The following AUTS2 variants were observed in gnomAD, a reference collection of about 807,000 sequenced individuals.
The protein encoded by AUTS2 is autism susceptibility gene 2 protein.
AUTS2 carries 17 observed loss-of-function variants against 112.4 expected under a neutral mutation model. The ratio of observed to expected loss-of-function variants is 0.15; its 90% CI spans 0.10 to 0.23. AUTS2 has a LOEUF of 0.23. Ranked by LOEUF, AUTS2 falls within the 10% of genes least tolerant of loss-of-function variation. AUTS2 has a pLI of 1.00. For missense variants in AUTS2, 1,510 were observed against 1,701.6 expected (o/e 0.89, Z 1.98); for synonymous variants, 751 against 702.7 (o/e 1.07, Z -1.09).
intron 1 of AUTS2, among the ~76,000 whole-genome samples, chr7:69,793,992 G>A (rs997395763): frequency 1.3e-5 from 2 of 152,194 alleles, no homozygotes; most frequent in African/African-American, 2.4e-5. Flanking sequence ...GGTGATTGGA[G>A]CATGGGGCTC....
chr7:70,534,837 C>T (rs964123968), intron 5 of AUTS2, among the ~76,000 whole-genome samples: 7 of 151,580 alleles, frequency 4.6e-5, no homozygotes, highest in Admixed American at 3.9e-4. Context: ...ATGGTGATGG[C>T]AGTAATGATG....
intron 2 of AUTS2, among the ~76,000 whole-genome samples, chr7:70,023,527 T>C (rs760736428): frequency 4.6e-5 from 7 of 152,220 alleles, no homozygotes; most frequent in Non-Finnish European, 7.3e-5. Flanking sequence ...TCAACTTTCC[T>C]ATGCCTTGAT....
intron 4 of AUTS2, among the ~76,000 whole-genome samples, chr7:70,408,009 G>A (rs1269709508): frequency 1.3e-5 from 2 of 149,568 alleles, no homozygotes; most frequent in African/African-American, 4.9e-5. Context: ...GGCCGAGATC[G>A]CGCCACTGCA....
intron 4 of AUTS2, among the ~76,000 whole-genome samples, chr7:70,343,442 T>C (rs1791360761): frequency 6.6e-6 from 1 of 152,202 alleles, no homozygotes. Context: ...GCCCATTGTG[T>C]GCTAGTAATT....
intron 14 of AUTS2, 154 bp from the exon 15 acceptor site, chr7:70,781,461 G>A: frequency 1.2e-6 from 1 of 830,098 alleles, no homozygotes; most frequent in South Asian, 2.0e-5. Context: ...TGACATTTGA[G>A]GGTGAAATGG....
intron 4 of AUTS2, among the ~76,000 whole-genome samples, chr7:70,304,820 G>GA (rs1789417389): frequency 6.7e-6 from 1 of 150,358 alleles, no homozygotes; most frequent in African/African-American, 2.5e-5. Flanking sequence ...TCGGATTTGG[G>GA]ATGCTCAACC....
Position 69,940,167 on chromosome 7 carries a change from G to A in AUTS2, c.522+40669G>A, listed in dbSNP as rs556760283. ...TCACAACTTACAAATAGCAGAGTCA[G>A]GATTTGAACCTGGGCAGGCAGTTCT... On this transcript the variant is annotated intron_variant, in intron 2 of 18. Transcript: ENST00000342771. Among the ~76,000 whole-genome samples the A allele has an allele frequency of 2.2e-4, 34 of 152,314 alleles. No homozygotes were observed. In the South Asian group the frequency reaches 7.0e-3, roughly 32 times the overall value.
At chr7:69,698,368 T>C (rs1297540399) in intron 1 of AUTS2, among the ~76,000 whole-genome samples, 4 of 152,200 alleles carry the variant, frequency 2.6e-5, no homozygotes, top group Non-Finnish European at 5.9e-5. Context: ...TTGCTACTTA[T>C]TGATCTAGTA....
rs182742596 is a variant in AUTS2 at position 70,205,255 on chromosome 7, C to G, written c.660+70684C>G. Among the ~76,000 whole-genome samples the G allele has an allele frequency of 5.9e-5, 9 of 152,058 alleles. No individual in the cohort carries two copies. In the East Asian group the frequency reaches 1.7e-3, roughly 29 times the overall value. On this transcript the variant is annotated intron_variant, in intron 4 of 18. Transcript: ENST00000342771. ...TAGACATGGGATCTCACTGTATTGC[C>G]CAGGCTGGTCTTGAACTCTTAGCCT...
intron 3 of AUTS2, among the ~76,000 whole-genome samples, chr7:70,127,029 G>C (rs1806010906): frequency 6.6e-6 from 1 of 152,166 alleles, no homozygotes; most frequent in Admixed American, 6.5e-5. Flanking sequence ...GTTTTACCAT[G>C]TTGGCCAGGC....
intron 4 of AUTS2, among the ~76,000 whole-genome samples, chr7:70,387,192 GCTT>G (rs1289434089): frequency 3.9e-5 from 6 of 152,116 alleles, no homozygotes; most frequent in African/African-American, 1.4e-4. Context: ...CTCTGTTGGT[GCTT>G]CTTTTCCACT....
At chr7:70,245,330 T>C (rs1380486858) in intron 4 of AUTS2, among the ~76,000 whole-genome samples, 1 of 151,980 alleles carries the variant, frequency 6.6e-6, no homozygotes, top group South Asian at 2.1e-4. Context: ...CTAATAGTTT[T>C]TAACTTACAA....
At chr7:70,717,481 C>T (rs1488575447) in intron 6 of AUTS2, among the ~76,000 whole-genome samples, 2 of 152,164 alleles carry the variant, frequency 1.3e-5, no homozygotes, top group East Asian at 1.9e-4. Flanking sequence ...TTCTAACTCA[C>T]CCTTCGAGGA....
chr7:70,444,046 G>A (rs748224176), intron 5 of AUTS2, among the ~76,000 whole-genome samples: 7 of 152,166 alleles, frequency 4.6e-5, no homozygotes, highest in Non-Finnish European at 8.8e-5. Context: ...ATGAGCCATC[G>A]CCTTGGGTGT....
intron 2 of AUTS2, among the ~76,000 whole-genome samples, chr7:69,925,673 A>T (rs1052713751): frequency 2.0e-5 from 3 of 152,152 alleles, no homozygotes; most frequent in African/African-American, 7.2e-5. Flanking sequence ...TGATCCTCTC[A>T]TATCAGCCTG....
At chr7:70,590,417 C>T (rs1563061164) in intron 5 of AUTS2, among the ~76,000 whole-genome samples, 1 of 152,112 alleles carries the variant, frequency 6.6e-6, no homozygotes, top group Non-Finnish European at 1.5e-5. Flanking sequence ...TCCCCTATCT[C>T]CCTAGAGGTT....
intron 5 of AUTS2, among the ~76,000 whole-genome samples, chr7:70,633,586 G>A (rs1805381923): frequency 7.6e-6 from 1 of 132,132 alleles, no homozygotes; most frequent in Non-Finnish European, 1.5e-5. Context: ...ACTCTAGCCT[G>A]GGCCACAGAG....
chr7:70,676,259 G>A (rs1360568550), intron 5 of AUTS2, among the ~76,000 whole-genome samples: 1 of 151,980 alleles, frequency 6.6e-6, no homozygotes, highest in African/African-American at 2.4e-5. Context: ...TGGGCAACAT[G>A]GAAAACCCCA....
chr7:70,594,516 C>T (rs1465376444), intron 5 of AUTS2, among the ~76,000 whole-genome samples: 3 of 152,154 alleles, frequency 2.0e-5, no homozygotes, highest in Admixed American at 6.5e-5. Flanking sequence ...CTGAGTGCTG[C>T]GTATTCAAAT....
Sources: allele counts gnomAD v4.1 joint callset (sites outside exome capture counted in the v4.1 genomes callset), GRCh38; gene constraint gnomAD v4.1.1; transcripts MANE v1.5; gene names NCBI Gene and HGNC (gene_info 2026-07-23, HGNC 2026-07-21).